Variants in ADGRA2 observed in about 807,000 individuals in gnomAD.
ADGRA2 encodes G-protein coupled receptor 124.
Under a neutral mutation model 98.7 loss-of-function variants are expected in ADGRA2, and 61 were observed. The ratio of observed to expected loss-of-function variants is 0.62; its 90% confidence interval spans 0.50 to 0.76. The LOEUF is 0.76. Among genes scored for constraint, ADGRA2 ranks in the 30% least tolerant of loss-of-function variants. The probability of loss-of-function intolerance (pLI) is 0.00; values close to 1 mark genes in which losing one functional copy is unlikely to be tolerated. For synonymous variants in ADGRA2, 858 were observed against 831.5 expected, an observed-to-expected ratio of 1.03 and a Z score of -0.55; for missense variants, 1,712 against 1,860.0, an observed-to-expected ratio of 0.92 and a Z score of 1.46.
chr8:37,825,275 C>T (rs1341726970), intron 2 of ADGRA2, among the ~76,000 whole-genome samples: 2 of 152,098 alleles, frequency 1.3e-5, no homozygotes, highest in Non-Finnish European at 2.9e-5. Flanking sequence ...GAGTCTCACT[C>T]TGTCGTCCAG....
chr8:37,819,483 C>T (rs1224189334), intron 2 of ADGRA2, among the ~76,000 whole-genome samples: 1 of 152,182 alleles, frequency 6.6e-6, no homozygotes, highest in Non-Finnish European at 1.5e-5. Flanking sequence ...ATTCTCCTGC[C>T]TCAGCTTCCC....
chr8:37,806,551 G>C (rs1804674366), intron 1 of ADGRA2, among the ~76,000 whole-genome samples: 1 of 60,626 alleles, frequency 1.6e-5, no homozygotes, highest in African/African-American at 1.5e-4. Context: ...TTGAGACAGA[G>C]TCGAGTCTCA....
Position 37,835,538 on chromosome 8 carries a change from T to C in ADGRA2, c.1834-16T>C. The C allele has an allele frequency of 6.4e-7, 1 of 1,564,532 alleles. No homozygotes were observed. Among genetic ancestry groups the C allele is most frequent in the South Asian group, 1.1e-5 (1 of 90,082 alleles). ...GGGGGTCCTGGTGTCTCTGAGGAGC[T>C]CCTATGTCCCCCCAGAACAGCGTGG... On this transcript the variant is annotated splice_polypyrimidine_tract_variant and intron_variant, in intron 12 of 18. Coordinates refer to ENST00000412232, the MANE Select transcript of ADGRA2 (RefSeq NM_032777.10).
chr8:37,841,053 CT>C lies in ADGRA2; in HGVS notation c.2748-32del. 4 of 1,567,992 alleles carry C rather than the reference CT, an allele frequency of 2.6e-6. No homozygotes were observed. The highest frequency in any genetic ancestry group is 1.2e-5 in the South Asian group (1 of 83,932). On this transcript the variant is annotated intron_variant, in intron 18 of 18. Transcript: ENST00000412232. This position sits in a 1 kb window ranked among gnomAD's most constrained non-coding sequence, Gnocchi z 5.0. ...CCCAGCCCCACCCCAGCCATGCCCCCTGTCCTCATCACTGCTTCTGTGTCTC... is the reference window on the plus strand; with the variant it reads ...CCCAGCCCCACCCCAGCCATGCCCCCGTCCTCATCACTGCTTCTGTGTCTC...
rs1424800152 is a variant in ADGRA2 at position 37,844,372 on chromosome 8, T to C, written c.*2017T>C. 3 of 1,374,634 alleles carry C rather than the reference T, an allele frequency of 2.2e-6. No homozygotes were observed. Among genetic ancestry groups the C allele is most frequent in the Non-Finnish European group, 3.0e-6 (3 of 1,000,708 alleles). The allele number at this position is 1,374,634 out of a possible 1,614,324, so 85.2% of individuals were successfully genotyped here. A position where few individuals can be genotyped will look rare whatever the true frequency, so the allele number is the denominator to read the frequency against. On this transcript the variant is annotated 3_prime_UTR_variant, in exon 19 of 19. Coordinates refer to ENST00000412232, the MANE Select transcript of ADGRA2 (RefSeq NM_032777.10). The stretch of plus-strand genomic sequence containing the variant: ...GTCCAACTAATGGCAGAGCCCCTCT[T>C]GGTTCCTTCAAACAAGAAAAGCAAT...
chr8:37,802,207 C>A lies in ADGRA2; in HGVS notation c.266+4673C>A, dbSNP rs970393592. ...GCTGGCTGGGACTCACTTCAGGGCC[C>A]CTCGTTACAGCCACCAGGATCCAGT... is the stretch of plus-strand genomic sequence containing the variant. On this transcript the variant is annotated intron_variant, in intron 1 of 18. Transcript: ENST00000412232. The surrounding 1 kb of genome is among the most constrained non-coding windows in gnomAD (Gnocchi z 4.7). 2.0e-4 allele frequency among the ~76,000 whole-genome samples: 31 copies of A among 152,184 alleles called. No homozygotes were observed. The highest frequency in any genetic ancestry group is 7.2e-4 in the African/African-American group (30 of 41,442).
Position 37,834,212 on chromosome 8 carries a change from G to A in ADGRA2, c.1608+84G>A. ...TCAGGCGTGCACCTGCCGTGCCCCA[G>A]CTAGCAAGAGCAGCAGACGTGACAA... On this transcript the variant is annotated intron_variant, in intron 11 of 18. Transcript: ENST00000412232. This position sits in a 1 kb window ranked among gnomAD's most constrained non-coding sequence, Gnocchi z 4.2. The A allele has an allele frequency of 8.0e-7, 1 of 1,252,986 alleles. No individual in the cohort carries two copies. The highest frequency in any genetic ancestry group is 1.1e-6 in the Non-Finnish European group (1 of 906,498). 77.6% of individuals were successfully genotyped at this position (1,252,986 alleles called of 1,614,324 possible).
chr8:37,835,475 G>C, intron 12 of ADGRA2, 77 bp downstream of exon 12: 2 of 1,498,344 alleles, frequency 1.3e-6, no homozygotes, highest in Non-Finnish European at 1.9e-6. Flanking sequence ...GCAGTGAGAG[G>C]AGGTGGGAGG....
chr8:37,815,154 G>A (rs1285655782), intron 2 of ADGRA2, among the ~76,000 whole-genome samples, 187 bp downstream of exon 2: 4 of 152,208 alleles, frequency 2.6e-5, no homozygotes, highest in African/African-American at 9.6e-5. Context: ...AGAGGCGCTG[G>A]TATGGAACGA....
intron 1 of ADGRA2, among the ~76,000 whole-genome samples, chr8:37,813,135 C>T (rs1430192212): frequency 6.6e-6 from 1 of 152,174 alleles, no homozygotes; most frequent in Non-Finnish European, 1.5e-5. Flanking sequence ...CAGGCAGAGG[C>T]AGGAGGATCC....
chr8:37,840,959 C>A, intron 18 of ADGRA2, 110 bp downstream of exon 18: 1 of 1,174,040 alleles, frequency 8.5e-7, no homozygotes, highest in Non-Finnish European at 1.2e-6. Flanking sequence ...CAACCCAAGC[C>A]CATGCATGCT....
Position 37,844,389 on chromosome 8 carries a change from A to C in ADGRA2, c.*2034A>C. On this transcript the variant is annotated 3_prime_UTR_variant, in exon 19 of 19. Coordinates refer to ENST00000412232, the MANE Select transcript of ADGRA2 (RefSeq NM_032777.10). ...GCCCCTCTTGGTTCCTTCAAACAAG[A>C]AAAGCAATACCTACGGACTGGTGTA... 2 of 1,490,484 alleles carry C rather than the reference A, an allele frequency of 1.3e-6. No individual in the cohort carries two copies. Among genetic ancestry groups the C allele is most frequent in the Admixed American group, 2.0e-5 (1 of 48,836 alleles). 92.3% of individuals were successfully genotyped at this position (1,490,484 alleles called of 1,614,324 possible). A position where few individuals can be genotyped will look rare whatever the true frequency, so the allele number is the denominator to read the frequency against.
chr8:37,813,317 G>A (rs1804893304), intron 1 of ADGRA2, among the ~76,000 whole-genome samples: 3 of 152,142 alleles, frequency 2.0e-5, no homozygotes, highest in South Asian at 4.1e-4. Context: ...ACCTTTAGAG[G>A]CCTCTAGAGG....
At chr8:37,825,568 T>C (rs1451592505) in intron 2 of ADGRA2, among the ~76,000 whole-genome samples, 1 of 152,060 alleles carries the variant, frequency 6.6e-6, no homozygotes, top group Non-Finnish European at 1.5e-5. Context: ...TAACTTGGGC[T>C]CTATGCCCCT....
In ADGRA2 at chr8:37,806,637, C is replaced by G. The variant is rs141171642; in HGVS notation, c.267-8259C>G. Among the ~76,000 whole-genome samples the G allele has an allele frequency of 8.8e-3, 1,316 of 148,922 alleles. 17 individuals carry two copies. The highest frequency in any genetic ancestry group is 0.031 in the African/African-American group (1,233 of 39,890). The stretch of plus-strand genomic sequence containing the variant: ...CTCTGCCTCCTGGGTTCAAGCAATT[C>G]TCCTGCCTCAGCCTCCCTAGTAGCT... On this transcript the variant is annotated intron_variant, in intron 1 of 18. Coordinates refer to ENST00000412232, the MANE Select transcript of ADGRA2 (RefSeq NM_032777.10).
intron 2 of ADGRA2, among the ~76,000 whole-genome samples, chr8:37,823,752 G>A (rs1259788413): frequency 6.6e-6 from 1 of 152,166 alleles, no homozygotes; most frequent in East Asian, 1.9e-4. Flanking sequence ...TATTACAGCT[G>A]TCTTAGTAGG....
rs1392978419 is a variant in ADGRA2, at chr8:37,844,416, A to C, written c.*2061A>C. 12 of 1,556,948 alleles carry C rather than the reference A, an allele frequency of 7.7e-6. No individual in the cohort carries two copies. Among genetic ancestry groups the C allele is most frequent in the Non-Finnish European group, 1.0e-5 (12 of 1,146,574 alleles). ...AAGCAATACCTACGGACTGGTGTAC[A>C]CTTCCATCCTTGGTTATAACAGGAA... is the stretch of plus-strand genomic sequence containing the variant. On this transcript the variant is annotated 3_prime_UTR_variant, in exon 19 of 19. Coordinates refer to ENST00000412232, the MANE Select transcript of ADGRA2 (RefSeq NM_032777.10).
At chr8:37,813,653 G>A (rs1453303408) in intron 1 of ADGRA2, among the ~76,000 whole-genome samples, 1 of 152,136 alleles carries the variant, frequency 6.6e-6, no homozygotes, top group Non-Finnish European at 1.5e-5. Context: ...GTGGGGAGAA[G>A]GAAGGAAGGA....
intron 17 of ADGRA2, 120 bp from the exon 18 acceptor site, chr8:37,840,640 T>A (rs1805760127): frequency 5.8e-6 from 4 of 688,876 alleles, no homozygotes; most frequent in Non-Finnish European, 7.9e-6. Context: ...TGGCAAAAAA[T>A]TCTGATAATT....
Sources: allele counts gnomAD v4.1 joint callset (sites outside exome capture counted in the v4.1 genomes callset), GRCh38; gene constraint gnomAD v4.1.1; non-coding constraint Gnocchi (gnomAD v3.1); transcripts MANE v1.5; gene names NCBI Gene and HGNC (gene_info 2026-07-23, HGNC 2026-07-21).